Variants in NPAS3 observed in about 807,000 individuals in gnomAD.
NPAS3 encodes neuronal PAS domain protein 3, also known as neuronal PAS domain-containing protein 3.
NPAS3 carries 14 observed loss-of-function variants against 73.1 expected under a neutral mutation model. The ratio of observed to expected loss-of-function variants is 0.19; its 90% CI spans 0.13 to 0.30. NPAS3 has a LOEUF of 0.30. NPAS3 is among the 10% of genes least tolerant of loss of function. NPAS3 has a pLI of 1.00. For missense variants in NPAS3, 1,096 were observed against 1,250.0 expected (o/e 0.88, Z 1.86); for synonymous variants, 620 against 541.5 (o/e 1.14, Z -2.01).
intron 3 of NPAS3, among the ~76,000 whole-genome samples, chr14:33,293,775 G>A (rs1407585277): frequency 6.6e-6 from 1 of 152,134 alleles, no homozygotes; most frequent in African/African-American, 2.4e-5. Flanking sequence ...AGTTCAAGAG[G>A]TCAAAATAAT....
chr14:33,508,850 A>G lies in NPAS3; in HGVS notation c.469-51271A>G, dbSNP rs1420194021. On this transcript the variant is annotated intron_variant, in intron 4 of 11. Coordinates refer to ENST00000356141, the Ensembl canonical transcript of NPAS3. ...TCAGAGGAGTAGAATGAGCGTGGGA[A>G]TGACCAGACTTTGACATCACTCTCA... is the stretch of plus-strand genomic sequence containing the variant. Among the ~76,000 whole-genome samples the G allele has an allele frequency of 6.6e-5, 10 of 152,118 alleles. No individual in the cohort carries two copies. In the East Asian group the frequency reaches 1.9e-3, roughly 30 times the overall value.
In NPAS3 at chr14:33,550,877, C is replaced by G. The variant is rs936915310; in HGVS notation, c.469-9244C>G. Among the ~76,000 whole-genome samples the G allele has an allele frequency of 2.6e-5, 4 of 152,220 alleles. No individual in the cohort carries two copies. The South Asian group carries it at 8.3e-4, about 32-fold the overall frequency. ...GATTTCAGTATTGTAAAGTGAAGGACCCAGAAGAGGTGCAGTTACTCACAA... is the reference window on the plus strand; with the variant it reads ...GATTTCAGTATTGTAAAGTGAAGGAGCCAGAAGAGGTGCAGTTACTCACAA... On this transcript the variant is annotated intron_variant, in intron 4 of 11. Coordinates refer to ENST00000356141, the Ensembl canonical transcript of NPAS3.
intron 6 of NPAS3, among the ~76,000 whole-genome samples, chr14:33,717,385 A>G (rs1323773580): frequency 6.6e-6 from 1 of 152,076 alleles, no homozygotes; most frequent in African/African-American, 2.4e-5. Context: ...ATGTTCAATA[A>G]CAACTTCTCC....
At chr14:33,364,106 A>G (rs554930294) in intron 3 of NPAS3, among the ~76,000 whole-genome samples, 2 of 152,314 alleles carry the variant, frequency 1.3e-5, no homozygotes, top group African/African-American at 4.8e-5. Flanking sequence ...GGGCTACCAG[A>G]TGGTTTTAGA....
chr14:33,433,411 T>A (rs1177164934), intron 4 of NPAS3, among the ~76,000 whole-genome samples: 1 of 152,148 alleles, frequency 6.6e-6, no homozygotes, highest in Admixed American at 6.6e-5. Flanking sequence ...TGAGTCCAAA[T>A]CCTGCCTTTC....
At chr14:33,795,416 A>G (rs1238024212) in intron 10 of NPAS3, among the ~76,000 whole-genome samples, 4 of 152,218 alleles carry the variant, frequency 2.6e-5, no homozygotes. Flanking sequence ...ATCCTTGTAC[A>G]TAGAGTTTTA....
At chr14:33,801,012 T>G in exon 12 of NPAS3, 1 of 1,590,032 alleles carries the variant, frequency 6.3e-7, no homozygotes, top group Non-Finnish European at 8.6e-7. Flanking sequence ...GCCGGCAACG[T>G]GTTCACCACG....
At chr14:33,247,194 C>T (rs1314157032) in intron 3 of NPAS3, among the ~76,000 whole-genome samples, 1 of 151,902 alleles carries the variant, frequency 6.6e-6, no homozygotes, top group Non-Finnish European at 1.5e-5. Context: ...AAGTACTCTC[C>T]CCATTATTAC....
In NPAS3 at chr14:33,565,630, AAAG is replaced by A. The variant is rs545935758; in HGVS notation, c.558+5425_558+5427del. 5.9e-5 allele frequency among the ~76,000 whole-genome samples: 9 copies of A among 152,334 alleles called. No individual in the cohort carries two copies. The South Asian group carries it at 1.0e-3, about 18-fold the overall frequency. The stretch of plus-strand genomic sequence containing the variant: ...ATTTCTTTAGTGGGGTTGAAAAAAA[AAAG>A]AAGACATTAGCTTTCCTTGTAAGTT... On this transcript the variant is annotated intron_variant, in intron 5 of 11. Coordinates refer to ENST00000356141, the Ensembl canonical transcript of NPAS3.
At chr14:33,742,485 G>A (rs980305287) in intron 7 of NPAS3, among the ~76,000 whole-genome samples, 1 of 152,296 alleles carries the variant, frequency 6.6e-6, no homozygotes, top group African/African-American at 2.4e-5. Flanking sequence ...TTCTAAAAAT[G>A]AATGTGCATA....
chr14:33,270,711 T>C (rs1256214802), intron 3 of NPAS3, among the ~76,000 whole-genome samples: 1 of 152,242 alleles, frequency 6.6e-6, no homozygotes, highest in Non-Finnish European at 1.5e-5. Flanking sequence ...TTTTCTTTTT[T>C]GTTTTTTAAA....
At chr14:33,363,755 T>C (rs528617418) in intron 3 of NPAS3, among the ~76,000 whole-genome samples, 2 of 152,196 alleles carry the variant, frequency 1.3e-5, no homozygotes. Context: ...CATTTAGTCA[T>C]GTTGAATTGA....
chr14:33,654,189 T>C (rs377551425), intron 5 of NPAS3, among the ~76,000 whole-genome samples: 1 of 148,602 alleles, frequency 6.7e-6, no homozygotes, highest in Non-Finnish European at 1.5e-5. Flanking sequence ...TTTTTTTTTT[T>C]CAAAAGAAAA....
chr14:33,029,863 A>C (rs1205365173), intron 1 of NPAS3, among the ~76,000 whole-genome samples: 2 of 152,222 alleles, frequency 1.3e-5, no homozygotes, highest in Non-Finnish European at 2.9e-5. Context: ...CATCCTTAAA[A>C]TATTTGCCCT....
At chr14:33,325,023 G>T (rs189721398) in intron 3 of NPAS3, among the ~76,000 whole-genome samples, 8 of 152,162 alleles carry the variant, frequency 5.3e-5, no homozygotes, top group Admixed American at 5.2e-4. Context: ...GGTATACTCT[G>T]GGTGGCCATG....
chr14:33,004,817 CT>C lies in NPAS3; in HGVS notation c.51-51069del. Among the ~76,000 whole-genome samples the C allele has an allele frequency of 5.5e-4, 35 of 64,004 alleles. 1 individual carries two copies. The highest frequency in any genetic ancestry group is 0.011 in the Middle Eastern group (1 of 88). The allele number at this position is 64,004 out of a possible 152,430, so 42.0% of individuals were successfully genotyped here. A position where few individuals can be genotyped will look rare whatever the true frequency, so the allele number is the denominator to read the frequency against. On this transcript the variant is annotated intron_variant, in intron 1 of 11. Transcript: ENST00000356141. ...CTTTTTTCTATTGTAAAAAGTTTTCCTTTTTTTTTTTTTTTTTTTAGTTTTA... is the reference window on the plus strand; with the variant it reads ...CTTTTTTCTATTGTAAAAAGTTTTCCTTTTTTTTTTTTTTTTTTAGTTTTA...
intron 4 of NPAS3, among the ~76,000 whole-genome samples, chr14:33,375,335 C>T (rs2046267415): frequency 6.6e-6 from 1 of 152,138 alleles, no homozygotes; most frequent in South Asian, 2.1e-4. Flanking sequence ...TTTTTCATTA[C>T]AAACTGGAGT....
intron 5 of NPAS3, among the ~76,000 whole-genome samples, chr14:33,668,551 C>T (rs2059521297): frequency 6.6e-6 from 1 of 152,194 alleles, no homozygotes; most frequent in African/African-American, 2.4e-5. Context: ...CGAGGTGGCG[C>T]ATGCCTGTAA....
At chr14:33,323,194 G>A (rs77875694) in intron 3 of NPAS3, among the ~76,000 whole-genome samples, 8,259 of 152,220 alleles carry the variant, frequency 0.054, 256 homozygotes, top group East Asian at 0.15. Context: ...CTCTGGGATA[G>A]CCTAATAGAC....
Sources: allele counts gnomAD v4.1 joint callset (sites outside exome capture counted in the v4.1 genomes callset), GRCh38; gene constraint gnomAD v4.1.1; transcripts MANE v1.5; gene names NCBI Gene and HGNC (gene_info 2026-07-23, HGNC 2026-07-21).